PCDH11X: variants seen among roughly 807,000 people sequenced by gnomAD.
PCDH11X encodes the protein protocadherin-11 X-linked.
PCDH11X carries 18 observed loss-of-function variants against 53.3 expected under a neutral mutation model. The ratio of observed to expected loss-of-function variants is 0.34; its 90% CI spans 0.23 to 0.50. The LOEUF is 0.50. Ranked by LOEUF, PCDH11X falls within the 20% of genes least tolerant of loss-of-function variation. The pLI, the probability that PCDH11X is intolerant of heterozygous loss-of-function variation, is 0.98. For synonymous variants in PCDH11X, 279 were observed against 393.3 expected (o/e 0.71, Z 3.44); for missense variants, 570 against 1,032.4 (o/e 0.55, Z 6.14).
chrX:91,972,532 A>G (rs879115180), intron 6 of PCDH11X, among the ~76,000 whole-genome samples: 6 of 110,233 alleles, frequency 5.4e-5, no homozygotes, highest in African/African-American at 2.0e-4. Flanking sequence ...CCATGCCTAC[A>G]TCCTGAATGG....
At chrX:92,365,288 T>A (rs1468079837) in intron 8 of PCDH11X, among the ~76,000 whole-genome samples, 1 of 103,889 alleles carries the variant, frequency 9.6e-6, no homozygotes, top group African/African-American at 3.6e-5. Flanking sequence ...AGAAAATATA[T>A]AAACCAATAA....
intron 8 of PCDH11X, among the ~76,000 whole-genome samples, chrX:92,276,197 G>T (rs1407861154): frequency 1.8e-5 from 2 of 108,641 alleles, no homozygotes; most frequent in Admixed American, 1.0e-4. Context: ...CCCTTGAAAA[G>T]AAGGTAATGT....
At chrX:92,600,335 T>A (rs2148806824) in intron 10 of PCDH11X, among the ~76,000 whole-genome samples, 1 of 110,052 alleles carries the variant, frequency 9.1e-6, no homozygotes, top group Admixed American at 9.7e-5. Context: ...GAGGAAAAAA[T>A]TGTTTTGTGG....
At chrX:92,445,277 T>A (rs1328279795) in intron 9 of PCDH11X, among the ~76,000 whole-genome samples, 1 of 97,147 alleles carries the variant, frequency 1.0e-5, no homozygotes, top group Non-Finnish European at 2.0e-5. Context: ...CTCTTTAGGA[T>A]TTCAACTTCT....
At chrX:92,192,160 A>C (rs2066203347) in intron 6 of PCDH11X, among the ~76,000 whole-genome samples, 2 of 111,595 alleles carry the variant, frequency 1.8e-5, no homozygotes, top group Admixed American at 1.9e-4. Context: ...TTAGGAAACA[A>C]AAAGGTTGAT....
At chrX:91,945,148 A>G (rs2061558538) in intron 6 of PCDH11X, among the ~76,000 whole-genome samples, 2 of 104,000 alleles carry the variant, frequency 1.9e-5, no homozygotes, top group African/African-American at 6.8e-5. Flanking sequence ...GTTCCTATGG[A>G]AATTAATCTC....
chrX:92,089,232 G>A (rs1195728911), intron 6 of PCDH11X, among the ~76,000 whole-genome samples: 3 of 110,892 alleles, frequency 2.7e-5, no homozygotes, highest in African/African-American at 9.8e-5. Context: ...TAAAGAGAAT[G>A]ATGATATCCA....
At chrX:92,447,504 T>C (rs1468650724) in intron 9 of PCDH11X, among the ~76,000 whole-genome samples, 1 of 111,349 alleles carries the variant, frequency 9.0e-6, no homozygotes, top group Non-Finnish European at 1.9e-5. Flanking sequence ...GCAGCTTCCA[T>C]GTGATGTTGG....
intron 6 of PCDH11X, among the ~76,000 whole-genome samples, chrX:92,016,339 T>C (rs2062792541): frequency 9.2e-6 from 1 of 108,308 alleles, no homozygotes; most frequent in Non-Finnish European, 1.9e-5. Context: ...AGTCAATATG[T>C]ACTTTGAAGC....
At chrX:92,336,557 G>T (rs1157728371) in intron 8 of PCDH11X, among the ~76,000 whole-genome samples, 1 of 111,469 alleles carries the variant, frequency 9.0e-6, no homozygotes, top group Non-Finnish European at 1.9e-5. Context: ...TTAAATTCAA[G>T]AATATATATA....
chrX:92,401,690 C>T (rs1427682872), intron 9 of PCDH11X, among the ~76,000 whole-genome samples: 1 of 112,057 alleles, frequency 8.9e-6, no homozygotes, highest in African/African-American at 3.2e-5. Flanking sequence ...AACTTCTGTA[C>T]ATCTGGAATG....
chrX:92,452,985 C>T (rs5942255), intron 9 of PCDH11X, among the ~76,000 whole-genome samples: 42 of 90,403 alleles, frequency 4.6e-4, no homozygotes, highest in Non-Finnish European at 7.3e-4. Flanking sequence ...ACCTTGCATT[C>T]TTAGTGAATG....
intron 7 of PCDH11X, among the ~76,000 whole-genome samples, chrX:92,250,723 A>T (rs1377764544): frequency 9.2e-6 from 1 of 108,840 alleles, no homozygotes; most frequent in African/African-American, 3.3e-5. Context: ...TGAAGCTATT[A>T]TGCTAAGTGA....
Position 91,837,800 on chromosome X carries a change from G to T in PCDH11X, c.540+1756G>T, listed in dbSNP as rs1383222366. Among the ~76,000 whole-genome samples, 6 of 111,317 alleles carry T rather than the reference G, an allele frequency of 5.4e-5. No individual in the cohort carries two copies. In the East Asian group the frequency reaches 1.4e-3, roughly 26 times the overall value. ...GAATTTTCTGCAAGGACGGTAATCTGTGTGAGAACAATGCAGTAGCCACCA... is the reference window on the plus strand; with the variant it reads ...GAATTTTCTGCAAGGACGGTAATCTTTGTGAGAACAATGCAGTAGCCACCA... On this transcript the variant is annotated intron_variant, in intron 5 of 10. Coordinates refer to ENST00000682573, the MANE Select transcript of PCDH11X (RefSeq NM_032968.5).
At chrX:92,434,593 G>A (rs1408440369) in intron 9 of PCDH11X, among the ~76,000 whole-genome samples, 1 of 108,968 alleles carries the variant, frequency 9.2e-6, no homozygotes, top group East Asian at 2.9e-4. Context: ...CTAGGTCGGA[G>A]TGCAGTAACA....
At chrX:91,879,599 T>C in intron 6 of PCDH11X, 3 of 1,015,266 alleles carry the variant, frequency 3.0e-6, no homozygotes, top group African/African-American at 1.9e-5. Flanking sequence ...AGTACCATTG[T>C]GTGCATGAGG....
chrX:92,246,103 G>A (rs959504891), intron 7 of PCDH11X, among the ~76,000 whole-genome samples: 10 of 110,630 alleles, frequency 9.0e-5, no homozygotes, highest in South Asian at 7.7e-4. Flanking sequence ...GAAACATATC[G>A]GAATGTTCTT....
chrX:92,543,283 AATCGTGATTGAAAGCAAATATTAC>A (rs1369802633), intron 10 of PCDH11X, among the ~76,000 whole-genome samples: 3 of 102,850 alleles, frequency 2.9e-5, no homozygotes, highest in African/African-American at 1.1e-4. Context: ...GTACTTCTCC[AATCGTGATTGAAAGCAAATATTAC>A]ATAAAATTGA....
intron 6 of PCDH11X, among the ~76,000 whole-genome samples, chrX:91,956,473 G>A (rs781342982): frequency 8.0e-4 from 88 of 110,610 alleles, no homozygotes; most frequent in African/African-American, 2.7e-3. Context: ...CTTAGCCTTC[G>A]CTTGTCTGAA....
Sources: allele counts gnomAD v4.1 joint callset (sites outside exome capture counted in the v4.1 genomes callset), GRCh38; gene constraint gnomAD v4.1.1; transcripts MANE v1.5; gene names NCBI Gene and HGNC (gene_info 2026-07-23, HGNC 2026-07-21).